TMC2: variants seen among roughly 807,000 people sequenced by gnomAD.
TMC2 encodes the protein transmembrane channel like 2.
Under a neutral mutation model 105.9 loss-of-function variants are expected in TMC2, and 102 were observed. The ratio of observed to expected loss-of-function variants is 0.96; its 90% CI spans 0.82 to 1.14. The LOEUF (loss-of-function observed/expected upper bound fraction) is 1.14, where lower values mean the gene tolerates loss of function less well. Among genes scored for constraint, TMC2 ranks in the 50% most tolerant of loss-of-function variants. The pLI is 0.00. For missense variants in TMC2, 1,093 were observed against 1,134.3 expected (o/e 0.96, Z 0.52); for synonymous variants, 402 against 422.8 (o/e 0.95, Z 0.60).
At chr20:2,633,435 C>T (rs1480687141) in intron 17 of TMC2, among the ~76,000 whole-genome samples, 2 of 152,216 alleles carry the variant, frequency 1.3e-5, no homozygotes, top group Non-Finnish European at 2.9e-5. Flanking sequence ...TCCCATTCCC[C>T]AGTTCTCCTT....
intron 17 of TMC2, among the ~76,000 whole-genome samples, chr20:2,627,195 G>A (rs1440836414): frequency 6.6e-6 from 1 of 152,184 alleles, no homozygotes; most frequent in Non-Finnish European, 1.5e-5. Flanking sequence ...ATACTGAGTT[G>A]ATCACGACCC....
intron 19 of TMC2, 124 bp from the exon 20 acceptor site, chr20:2,641,010 G>A (rs1357005914): frequency 1.0e-5 from 8 of 802,026 alleles, no homozygotes; most frequent in African/African-American, 3.4e-5. Flanking sequence ...AGTGCAATCC[G>A]ACAGCTCTCA....
At position 2,546,281 on chromosome 20, in the gene TMC2, T is replaced by G. The variant is rs373184914; in HGVS notation, c.82+8965T>G. Among the ~76,000 whole-genome samples, 12 of 152,318 alleles carry G rather than the reference T, an allele frequency of 7.9e-5. No individual in the cohort carries two copies. The East Asian group carries it at 2.3e-3, about 29-fold the overall frequency. On this transcript the variant is annotated intron_variant, in intron 2 of 19. Transcript: ENST00000358864. ...ACTGGGTAGCTCCTGAAGAAAAATGTGCACCCTAGACAGTTCATGGGTTAA... is the reference window on the plus strand; with the variant it reads ...ACTGGGTAGCTCCTGAAGAAAAATGGGCACCCTAGACAGTTCATGGGTTAA...
intron 4 of TMC2, among the ~76,000 whole-genome samples, chr20:2,570,467 C>G (rs2086095211): frequency 6.6e-6 from 1 of 151,862 alleles, no homozygotes; most frequent in African/African-American, 2.4e-5. Flanking sequence ...TGAAAGATCT[C>G]TACAAGGAGA....
chr20:2,540,207 G>T (rs1330841672), intron 2 of TMC2, among the ~76,000 whole-genome samples: 2 of 151,362 alleles, frequency 1.3e-5, no homozygotes, highest in Non-Finnish European at 2.9e-5. Context: ...GGCCAGGCTG[G>T]TCTCAAACTC....
At chr20:2,541,094 T>C (rs6036885) in intron 2 of TMC2, among the ~76,000 whole-genome samples, 596 of 152,284 alleles carry the variant, frequency 3.9e-3, no homozygotes, top group Middle Eastern at 0.02. Context: ...TCCATTTCTC[T>C]ACCCACTTCT....
At chr20:2,590,304 G>GAT (rs1435429412) in intron 7 of TMC2, among the ~76,000 whole-genome samples, 3 of 152,086 alleles carry the variant, frequency 2.0e-5, no homozygotes, top group African/African-American at 7.2e-5. Context: ...ATGCAAGAGG[G>GAT]ATATAATTCA....
chr20:2,589,379 G>A (rs979876763), intron 7 of TMC2, among the ~76,000 whole-genome samples: 3 of 149,290 alleles, frequency 2.0e-5, no homozygotes, highest in Non-Finnish European at 3.0e-5. Flanking sequence ...GAGCTCAAGC[G>A]ATCCACCTGC....
At chr20:2,598,835 A>T (rs1027962238) in intron 10 of TMC2, among the ~76,000 whole-genome samples, 3 of 152,122 alleles carry the variant, frequency 2.0e-5, no homozygotes, top group Admixed American at 2.0e-4. Flanking sequence ...ACTGGTATAA[A>T]AACAGGCATG....
intron 5 of TMC2, among the ~76,000 whole-genome samples, chr20:2,576,018 G>A (rs1249708341): frequency 6.6e-6 from 1 of 151,994 alleles, no homozygotes; most frequent in Non-Finnish European, 1.5e-5. Flanking sequence ...ATGTATCTTG[G>A]AGGAAATGTT....
intron 13 of TMC2, 117 bp downstream of exon 13, chr20:2,612,457 A>T: frequency 2.0e-6 from 2 of 1,005,562 alleles, no homozygotes; most frequent in South Asian, 6.3e-5. Flanking sequence ...CATCCAGCAA[A>T]CATTTCATAA....
At chr20:2,555,100 AGATG>A (rs2122818551) in intron 2 of TMC2, among the ~76,000 whole-genome samples, 1 of 151,920 alleles carries the variant, frequency 6.6e-6, no homozygotes, top group South Asian at 2.1e-4. Context: ...TTGTTTTTTG[AGATG>A]GAGTCTCACT....
chr20:2,581,713 T>C (rs148426418), intron 7 of TMC2, among the ~76,000 whole-genome samples: 209 of 152,370 alleles, frequency 1.4e-3, no homozygotes, highest in Middle Eastern at 0.01. Flanking sequence ...GAAATTTTGC[T>C]GTGCAGTGGT....
In TMC2 at chr20:2,612,279, G is replaced by A. The variant is rs745583676; in HGVS notation, c.1682G>A (p.Arg561Gln). The change falls in exon 13 of 20, where the codon CGA becomes CAA. Residue 561 changes from arginine (R) to glutamine (Q), a missense_variant. Arg to Gln is a conservative substitution (Grantham distance 43). Coordinates refer to ENST00000358864, the MANE Select transcript of TMC2 (RefSeq NM_080751.3). The stretch of plus-strand genomic sequence containing the variant: ...TCTGGTTGGAACGAGAGTGTCCCCC[G>A]ACCACCCCTGCACCCTGCAGATGTG... ...NSSGWNESVP[R>Q]PPLHPADVPR... 25 of 1,612,298 alleles carry A rather than the reference G, an allele frequency of 1.6e-5. No homozygotes were observed. The highest frequency in any genetic ancestry group is 4.0e-5 in the African/African-American group (3 of 74,910).
At chr20:2,552,543 C>T (rs2085963140) in intron 2 of TMC2, among the ~76,000 whole-genome samples, 1 of 152,122 alleles carries the variant, frequency 6.6e-6, no homozygotes, top group East Asian at 1.9e-4. Flanking sequence ...GTTTTTGAGA[C>T]AGAGTTCTGT....
At chr20:2,567,717 T>C (rs2086074409) in intron 4 of TMC2, among the ~76,000 whole-genome samples, 1 of 151,522 alleles carries the variant, frequency 6.6e-6, no homozygotes, top group South Asian at 2.1e-4. Flanking sequence ...AAAGCAACCA[T>C]CATAAAAATG....
intron 1 of TMC2, 43 bp downstream of exon 1, chr20:2,536,698 C>G (rs1386637877): frequency 1.3e-6 from 2 of 1,556,704 alleles, no homozygotes; most frequent in African/African-American, 2.7e-5. Flanking sequence ...CCACAGGGTT[C>G]CTGGGCAGCA....
At chr20:2,637,667 A>T in intron 19 of TMC2, 76 bp downstream of exon 19, 2 of 990,598 alleles carry the variant, frequency 2.0e-6, no homozygotes, top group Non-Finnish European at 3.1e-6. Flanking sequence ...AACAGCGTGA[A>T]ATCAGACTGT....
chr20:2,598,895 T>C (rs189753575), intron 10 of TMC2, among the ~76,000 whole-genome samples: 171 of 151,512 alleles, frequency 1.1e-3, no homozygotes, highest in African/African-American at 2.0e-3. Context: ...TTCCATGAGA[T>C]AAAAAAAGAG....
Sources: allele counts gnomAD v4.1 joint callset (sites outside exome capture counted in the v4.1 genomes callset), GRCh38; gene constraint gnomAD v4.1.1; transcripts MANE v1.5; gene names NCBI Gene and HGNC (gene_info 2026-07-23, HGNC 2026-07-21).